The following CDH13 variants were observed in gnomAD, a reference collection of about 807,000 sequenced individuals.
The protein encoded by CDH13 is cadherin 13, also known as cadherin-13.
CDH13 carries 24 observed loss-of-function variants against 63.8 expected under a neutral mutation model. The observed-to-expected ratio is 0.38, with a 90% CI of 0.27 to 0.53. The LOEUF (loss-of-function observed/expected upper bound fraction) is 0.53. CDH13 is among the 20% of genes least tolerant of loss of function. The pLI is 0.85. For synonymous variants in CDH13, 503 were observed against 355.3 expected (o/e 1.42, Z -4.67); for missense variants, 1,049 against 903.1 (o/e 1.16, Z -2.07).
chr16:83,237,685 T>C (rs1904276461), intron 5 of CDH13, among the ~76,000 whole-genome samples: 1 of 152,232 alleles, frequency 6.6e-6, no homozygotes, highest in Non-Finnish European at 1.5e-5. Flanking sequence ...ACACCAATTT[T>C]GCCTCTCCCT....
intron 10 of CDH13, among the ~76,000 whole-genome samples, chr16:83,701,949 C>T (rs374627433): frequency 1.9e-4 from 29 of 152,184 alleles, no homozygotes; most frequent in African/African-American, 6.5e-4. Context: ...GGGTAAGTTA[C>T]TTAACCTCTC....
chr16:83,093,709 C>T lies in CDH13; in HGVS notation c.367-31676C>T, dbSNP rs115908248. Among the ~76,000 whole-genome samples the T allele has an allele frequency of 3.9e-3, 601 of 152,182 alleles. 3 individuals carry two copies. Among genetic ancestry groups the T allele is most frequent in the African/African-American group, 0.014 (578 of 41,526 alleles). On this transcript the variant is annotated intron_variant, in intron 3 of 13. Coordinates refer to ENST00000567109, the MANE Select transcript of CDH13 (RefSeq NM_001257.5). ...GTCTCTTCCATGCACATCTTCATGC[C>T]GGAATTTGCTAGGCGCTTGTACCTC...
chr16:83,271,128 C>A (rs577554477), intron 5 of CDH13, among the ~76,000 whole-genome samples: 1 of 152,082 alleles, frequency 6.6e-6, no homozygotes, highest in African/African-American at 2.4e-5. Flanking sequence ...TCTTGGAAAG[C>A]AGTTTATTGG....
intron 1 of CDH13, among the ~76,000 whole-genome samples, chr16:82,669,420 T>G (rs1174551858): frequency 6.6e-6 from 1 of 152,214 alleles, no homozygotes; most frequent in East Asian, 1.9e-4. Context: ...GAGAAAATAG[T>G]GGGTCTTTTA....
chr16:82,902,388 GA>G (rs61241730), intron 2 of CDH13, among the ~76,000 whole-genome samples: 23,035 of 137,928 alleles, frequency 0.17, 1,878 homozygotes, highest in African/African-American at 0.22. Context: ...CAGGTTAGGA[GA>G]AAAAAAAAAA....
rs369052983 is a variant in CDH13, at chr16:82,810,119, C to T, written c.46-48243C>T. Among the ~76,000 whole-genome samples, 8 of 152,292 alleles carry T rather than the reference C, an allele frequency of 5.3e-5. No individual in the cohort carries two copies. The East Asian group carries it at 1.4e-3, about 26-fold the overall frequency. ...CTCCATCATTGATCGAAGTAAGAAA[C>T]CTTTTCTGCTTCAAGGTAAGGACAT... On this transcript the variant is annotated intron_variant, in intron 1 of 13. Transcript: ENST00000567109.
At chr16:82,847,158 C>A (rs150638073) in intron 1 of CDH13, among the ~76,000 whole-genome samples, 1 of 152,150 alleles carries the variant, frequency 6.6e-6, no homozygotes, top group South Asian at 2.1e-4. Flanking sequence ...GTAAAGGGAA[C>A]CCATATTTTC....
intron 4 of CDH13, among the ~76,000 whole-genome samples, chr16:83,154,441 C>T (rs958317131): frequency 6.6e-6 from 1 of 151,828 alleles, no homozygotes; most frequent in African/African-American, 2.4e-5. Context: ...GTGGCATACA[C>T]CTGTGGTCCC....
At chr16:83,484,907 T>C (rs1431304020) in intron 6 of CDH13, among the ~76,000 whole-genome samples, 2 of 152,218 alleles carry the variant, frequency 1.3e-5, no homozygotes, top group African/African-American at 4.8e-5. Flanking sequence ...TTGAGAACGC[T>C]GATTCCATGA....
intron 1 of CDH13, among the ~76,000 whole-genome samples, chr16:82,663,718 T>C (rs1048530279): frequency 5.3e-5 from 8 of 152,222 alleles, no homozygotes; most frequent in African/African-American, 1.9e-4. Flanking sequence ...GATCTGGTTG[T>C]CTGATTCGTG....
chr16:83,067,268 C>G (rs905964585), intron 3 of CDH13, among the ~76,000 whole-genome samples: 1 of 152,102 alleles, frequency 6.6e-6, no homozygotes, highest in Non-Finnish European at 1.5e-5. Flanking sequence ...TGTGGAGGCT[C>G]TGCATAGTAC....
At chr16:83,624,493 T>C (rs1001522385) in intron 8 of CDH13, among the ~76,000 whole-genome samples, 22 of 152,094 alleles carry the variant, frequency 1.4e-4, no homozygotes, top group African/African-American at 5.3e-4. Context: ...AGTTAGATTC[T>C]CTTAAGAAAC....
At chr16:82,837,563 G>A (rs59831726) in intron 1 of CDH13, among the ~76,000 whole-genome samples, 19,563 of 152,108 alleles carry the variant, frequency 0.13, 1,589 homozygotes, top group African/African-American at 0.23. Flanking sequence ...AGGCCTGTGA[G>A]CGAAGTCCGG....
intron 5 of CDH13, among the ~76,000 whole-genome samples, chr16:83,241,617 AT>A (rs1267461451): frequency 6.6e-6 from 1 of 152,178 alleles, no homozygotes; most frequent in Non-Finnish European, 1.5e-5. Flanking sequence ...CTCATTAGCC[AT>A]TTGTATAACT....
At chr16:83,476,278 C>A (rs763243911) in intron 6 of CDH13, among the ~76,000 whole-genome samples, 1 of 152,174 alleles carries the variant, frequency 6.6e-6, no homozygotes, top group African/African-American at 2.4e-5. Flanking sequence ...GTTGTAACAA[C>A]CAAAAGTATC....
At chr16:83,597,876 A>C (rs972556935) in intron 7 of CDH13, among the ~76,000 whole-genome samples, 3 of 152,202 alleles carry the variant, frequency 2.0e-5, no homozygotes, top group African/African-American at 4.8e-5. Context: ...TGCTACCGTA[A>C]GAATTTGTAC....
intron 1 of CDH13, among the ~76,000 whole-genome samples, chr16:82,796,656 T>C (rs2036594087): frequency 6.6e-6 from 1 of 152,262 alleles, no homozygotes; most frequent in Admixed American, 6.5e-5. Flanking sequence ...TCCATATGTG[T>C]AATGCCTCGC....
intron 1 of CDH13, among the ~76,000 whole-genome samples, chr16:82,703,475 G>A (rs951997291): frequency 3.3e-5 from 5 of 152,208 alleles, no homozygotes; most frequent in South Asian, 4.2e-4. Flanking sequence ...CCACTCCCTT[G>A]CCCCTTTGGA....
At chr16:82,914,313 A>T (rs1446569588) in intron 2 of CDH13, among the ~76,000 whole-genome samples, 1 of 152,112 alleles carries the variant, frequency 6.6e-6, no homozygotes, top group Non-Finnish European at 1.5e-5. Flanking sequence ...AACTATCATA[A>T]CCCGTATAGT....
Sources: allele counts gnomAD v4.1 joint callset (sites outside exome capture counted in the v4.1 genomes callset), GRCh38; gene constraint gnomAD v4.1.1; transcripts MANE v1.5; gene names NCBI Gene and HGNC (gene_info 2026-07-23, HGNC 2026-07-21).